Variants in NELL1 observed in about 807,000 individuals in gnomAD.
NELL1 encodes the protein neural EGFL like 1.
A neutral mutation model predicts 107.4 loss-of-function variants in NELL1; 76 were observed. The ratio of observed to expected loss-of-function variants is 0.71; its 90% CI spans 0.59 to 0.86. NELL1 has a LOEUF of 0.86. Among genes scored for constraint, NELL1 ranks in the 40% least tolerant of loss-of-function variants. The pLI is 0.00. For synonymous variants in NELL1, 353 were observed against 341.2 expected (o/e 1.03, Z -0.38); for missense variants, 1,024 against 1,005.5 (o/e 1.02, Z -0.25).
At chr11:21,077,305 AT>A (rs1356352620) in intron 12 of NELL1, among the ~76,000 whole-genome samples, 2 of 152,182 alleles carry the variant, frequency 1.3e-5, no homozygotes, top group Admixed American at 1.3e-4. Flanking sequence ...ATGCTATCTC[AT>A]TATGATAGGA....
At chr11:21,530,543 C>T (rs1392903643) in intron 15 of NELL1, among the ~76,000 whole-genome samples, 3 of 151,934 alleles carry the variant, frequency 2.0e-5, no homozygotes, top group East Asian at 1.9e-4. Context: ...TCATGGCACA[C>T]GTAGGACTTT....
chr11:20,725,390 C>A (rs889864225), intron 2 of NELL1, among the ~76,000 whole-genome samples: 1 of 152,136 alleles, frequency 6.6e-6, no homozygotes, highest in Non-Finnish European at 1.5e-5. Flanking sequence ...AGGTGAGGAA[C>A]CATCAGAGCA....
At chr11:20,770,475 G>A (rs1303792562) in intron 2 of NELL1, among the ~76,000 whole-genome samples, 2 of 152,142 alleles carry the variant, frequency 1.3e-5, no homozygotes, top group African/African-American at 4.8e-5. Flanking sequence ...TTTCCTGTCC[G>A]GAAAGCCTCA....
intron 15 of NELL1, among the ~76,000 whole-genome samples, chr11:21,493,193 A>C: frequency 6.6e-6 from 1 of 152,122 alleles, no homozygotes; most frequent in East Asian, 1.9e-4. Flanking sequence ...TCAAAAACCT[A>C]AAAGCAGAAC....
At chr11:21,082,940 T>C (rs1854304038) in intron 12 of NELL1, among the ~76,000 whole-genome samples, 1 of 152,172 alleles carries the variant, frequency 6.6e-6, no homozygotes, top group Non-Finnish European at 1.5e-5. Context: ...TAGCCTGACT[T>C]TTAGTAGAGA....
intron 2 of NELL1, among the ~76,000 whole-genome samples, chr11:20,679,276 G>A (rs773068431): frequency 6.6e-6 from 1 of 152,156 alleles, no homozygotes; most frequent in African/African-American, 2.4e-5. Context: ...CCTTTGTAGA[G>A]GTTTAAACAG....
intron 14 of NELL1, among the ~76,000 whole-genome samples, chr11:21,268,977 T>C (rs1262835144): frequency 6.6e-6 from 1 of 152,098 alleles, no homozygotes; most frequent in Non-Finnish European, 1.5e-5. Context: ...TGAAAAGAAA[T>C]GCTACAGAAG....
intron 13 of NELL1, among the ~76,000 whole-genome samples, chr11:21,178,587 T>C (rs28681586): frequency 0.012 from 1,863 of 151,396 alleles, 67 homozygotes; most frequent in African/African-American, 0.043. Context: ...GGCAATATAG[T>C]GAAACCTCAT....
At chr11:21,100,377 G>A (rs1346072789) in intron 12 of NELL1, among the ~76,000 whole-genome samples, 1 of 152,142 alleles carries the variant, frequency 6.6e-6, no homozygotes, top group Non-Finnish European at 1.5e-5. Flanking sequence ...ACAATGTTGT[G>A]CAACAATCAT....
intron 2 of NELL1, among the ~76,000 whole-genome samples, chr11:20,693,646 G>T (rs909102067): frequency 1.3e-5 from 2 of 152,064 alleles, no homozygotes; most frequent in Admixed American, 6.6e-5. Flanking sequence ...AGTTTCTGCC[G>T]AGAGATCCGC....
intron 15 of NELL1, among the ~76,000 whole-genome samples, chr11:21,470,911 ATCT>A (rs1179762693): frequency 2.6e-5 from 4 of 152,156 alleles, no homozygotes; most frequent in African/African-American, 9.6e-5. Flanking sequence ...AAATAGTGGT[ATCT>A]TCACCATGGT....
At chr11:21,459,975 G>T (rs182447518) in intron 15 of NELL1, among the ~76,000 whole-genome samples, 2 of 152,170 alleles carry the variant, frequency 1.3e-5, no homozygotes, top group Admixed American at 1.3e-4. Flanking sequence ...TCAGAACATT[G>T]TCTGATGCAC....
intron 12 of NELL1, among the ~76,000 whole-genome samples, chr11:21,082,497 G>A (rs948681882): frequency 1.3e-5 from 2 of 152,062 alleles, no homozygotes; most frequent in Non-Finnish European, 2.9e-5. Flanking sequence ...AACAAGCACT[G>A]CTAGTTCTTT....
At chr11:20,804,410 A>T (rs1857339995) in intron 3 of NELL1, among the ~76,000 whole-genome samples, 1 of 152,122 alleles carries the variant, frequency 6.6e-6, no homozygotes, top group South Asian at 2.1e-4. Context: ...TAATTTTTGT[A>T]TTTTTAATAG....
chr11:21,575,027 T>G lies in NELL1; in HGVS notation c.*5T>G. On this transcript the variant is annotated 3_prime_UTR_variant, in exon 20 of 20. Coordinates refer to ENST00000357134, the MANE Select transcript of NELL1 (RefSeq NM_006157.5). ...GAGTGTCTTCAAAATAATTGAAGTATTTACAGTGGACTCAACGCAGAAGAA... is the reference window on the plus strand; with the variant it reads ...GAGTGTCTTCAAAATAATTGAAGTAGTTACAGTGGACTCAACGCAGAAGAA... The G allele has an allele frequency of 6.2e-7, 1 of 1,606,206 alleles. No homozygotes were observed. Among genetic ancestry groups the G allele is most frequent in the Non-Finnish European group, 8.5e-7 (1 of 1,173,732 alleles).
At chr11:20,940,501 G>A (rs371880486) in intron 10 of NELL1, among the ~76,000 whole-genome samples, 1 of 152,032 alleles carries the variant, frequency 6.6e-6, no homozygotes, top group East Asian at 1.9e-4. Context: ...CACCTGCCTC[G>A]GCCTCCCAAA....
intron 16 of NELL1, among the ~76,000 whole-genome samples, chr11:21,553,780 T>C (rs1856644204): frequency 6.6e-6 from 1 of 151,724 alleles, no homozygotes; most frequent in Admixed American, 6.6e-5. Flanking sequence ...GTAAGGAAGA[T>C]AGAAAAGATA....
chr11:21,137,109 C>A (rs1189303706), intron 13 of NELL1, among the ~76,000 whole-genome samples: 3 of 152,104 alleles, frequency 2.0e-5, no homozygotes, highest in African/African-American at 7.2e-5. Context: ...CCTTTAAATT[C>A]ATGGTGAATT....
chr11:20,795,738 A>C (rs1180466780), intron 3 of NELL1, among the ~76,000 whole-genome samples: 1 of 152,180 alleles, frequency 6.6e-6, no homozygotes, highest in Non-Finnish European at 1.5e-5. Flanking sequence ...TCCTTTTCTG[A>C]GGAGATGAAG....
Sources: allele counts gnomAD v4.1 joint callset (sites outside exome capture counted in the v4.1 genomes callset), GRCh38; gene constraint gnomAD v4.1.1; transcripts MANE v1.5; gene names NCBI Gene and HGNC (gene_info 2026-07-23, HGNC 2026-07-21).